GLCCI1: variants seen among roughly 807,000 people sequenced by gnomAD.
The protein encoded by GLCCI1 is glucocorticoid-induced transcript 1 protein.
In GLCCI1, 24 loss-of-function variants were observed where a neutral mutation model predicts 52.2. The ratio of observed to expected loss-of-function variants is 0.46; its 90% CI spans 0.33 to 0.65. The LOEUF is 0.65. GLCCI1 is among the 30% of genes least tolerant of loss of function. GLCCI1 has a pLI of 0.02. For missense variants in GLCCI1, 704 were observed against 701.5 expected, an observed-to-expected ratio of 1.00 and a Z score of -0.04; for synonymous variants, 310 against 276.5, an observed-to-expected ratio of 1.12 and a Z score of -1.20.
At chr7:8,073,489 C>G (rs983881421) in intron 6 of GLCCI1, among the ~76,000 whole-genome samples, 4 of 152,000 alleles carry the variant, frequency 2.6e-5, no homozygotes, top group African/African-American at 9.7e-5. Context: ...ACACTAATTT[C>G]TTTATATTCA....
At chr7:7,986,531 G>T (rs1307919571) in intron 1 of GLCCI1, among the ~76,000 whole-genome samples, 2 of 117,878 alleles carry the variant, frequency 1.7e-5, no homozygotes, top group Admixed American at 8.1e-5. Flanking sequence ...ACTCAAAAAA[G>T]AAAAAAAAGA....
chr7:8,025,777 C>T (rs557296396), intron 3 of GLCCI1, among the ~76,000 whole-genome samples: 10 of 152,196 alleles, frequency 6.6e-5, no homozygotes, highest in South Asian at 2.1e-4. Flanking sequence ...AAATCAGAAG[C>T]GATGGGGACC....
intron 6 of GLCCI1, among the ~76,000 whole-genome samples, chr7:8,081,643 A>C (rs529075356): frequency 6.6e-6 from 1 of 152,336 alleles, no homozygotes; most frequent in East Asian, 1.9e-4. Context: ...CTATACAAGT[A>C]CATGTAGTTT....
chr7:8,045,298 G>A (rs11981425), intron 3 of GLCCI1, among the ~76,000 whole-genome samples: 31,016 of 151,912 alleles, frequency 0.2, 4,055 homozygotes, highest in East Asian at 0.36. Flanking sequence ...ACCCACACTC[G>A]CTCAGACTGG....
chr7:7,968,824 G>C lies in GLCCI1; in HGVS notation c.-527G>C, dbSNP rs575891101. On this transcript the variant is annotated 5_prime_UTR_variant, in exon 1 of 8. Coordinates refer to ENST00000223145, the MANE Select transcript of GLCCI1 (RefSeq NM_138426.4). Reference sequence around the variant, plus strand: ...TGCCATTCGGAGTGAGGAGTGGGTAGAAGCGGCGGCGGCGGCGGCGGCGTT... The same window carrying C: ...TGCCATTCGGAGTGAGGAGTGGGTACAAGCGGCGGCGGCGGCGGCGGCGTT... 3.1e-5 allele frequency: 5 copies of C among 161,124 alleles called. No individual in the cohort carries two copies. The South Asian group carries it at 7.6e-4, about 24-fold the overall frequency. 10.0% of individuals were successfully genotyped at this position (161,124 alleles called of 1,614,324 possible).
At chr7:7,976,516 G>GGAGAAAGGAAAAAGGAAATAA (rs1361601177) in intron 1 of GLCCI1, among the ~76,000 whole-genome samples, 23 of 126,966 alleles carry the variant, frequency 1.8e-4, no homozygotes, top group Middle Eastern at 4.3e-3. Context: ...AAAAAGGAAA[G>GGAGAAAGGAAAAAGGAAATAA]GAGAAAGGAA....
intron 2 of GLCCI1, among the ~76,000 whole-genome samples, chr7:8,011,432 A>G (rs1163253383): frequency 6.6e-6 from 1 of 152,328 alleles, no homozygotes; most frequent in Middle Eastern, 3.4e-3. Flanking sequence ...TTTACTTAGT[A>G]TAATGATTTC....
chr7:8,024,265 T>G (rs1781566091), intron 3 of GLCCI1, among the ~76,000 whole-genome samples: 1 of 152,210 alleles, frequency 6.6e-6, no homozygotes, highest in Non-Finnish European at 1.5e-5. Context: ...TGTATTACAT[T>G]TTAGCAGCTT....
rs1780282805 is a variant in GLCCI1, at chr7:7,969,274, C to T, written c.-77C>T. 7 of 1,281,556 alleles carry T rather than the reference C, an allele frequency of 5.5e-6. No individual in the cohort carries two copies. Among genetic ancestry groups the T allele is most frequent in the East Asian group, 3.9e-5 (1 of 25,964 alleles). The allele number at this position is 1,281,556 out of a possible 1,614,324, so 79.4% of individuals were successfully genotyped here. On this transcript the variant is annotated 5_prime_UTR_variant, in exon 1 of 8. Transcript: ENST00000223145. The surrounding 1 kb of genome is among the most constrained non-coding windows in gnomAD (Gnocchi z 4.9). Reference sequence around the variant, plus strand: ...TACACACTCGCACGCACTATCGCGCCGGCTCCCACACGCTCGCGCGCCTCC... The same window carrying T: ...TACACACTCGCACGCACTATCGCGCTGGCTCCCACACGCTCGCGCGCCTCC...
intron 2 of GLCCI1, among the ~76,000 whole-genome samples, chr7:8,004,493 A>T (rs1049255412): frequency 2.0e-5 from 3 of 152,188 alleles, no homozygotes; most frequent in Non-Finnish European, 4.4e-5. Flanking sequence ...AAGCCTTCAG[A>T]GGGAAATAGA....
At chr7:7,977,033 T>C (rs892550133) in intron 1 of GLCCI1, among the ~76,000 whole-genome samples, 3 of 152,200 alleles carry the variant, frequency 2.0e-5, no homozygotes, top group African/African-American at 7.2e-5. Context: ...CAAATACTTA[T>C]TAACTACTGA....
In GLCCI1 at chr7:8,088,785, T is replaced by G. The variant is rs974330055; in HGVS notation, c.*2247T>G. On this transcript the variant is annotated 3_prime_UTR_variant, in exon 8 of 8. Coordinates refer to ENST00000223145, the MANE Select transcript of GLCCI1 (RefSeq NM_138426.4). ...AAATATTAATTGTGTTGTACATTTG[T>G]TCTTAGCATATATTAAAGTTTTGAA... is the stretch of plus-strand genomic sequence containing the variant. The G allele has an allele frequency of 6.5e-6, 1 of 152,682 alleles. No homozygotes were observed. The highest frequency in any genetic ancestry group is 2.4e-5 in the African/African-American group (1 of 41,472). 9.5% of individuals were successfully genotyped at this position (152,682 alleles called of 1,614,324 possible). A position where few individuals can be genotyped will look rare whatever the true frequency, so the allele number is the denominator to read the frequency against.
intron 2 of GLCCI1, among the ~76,000 whole-genome samples, chr7:8,007,351 T>G (rs946587256): frequency 6.6e-6 from 1 of 152,158 alleles, no homozygotes; most frequent in Non-Finnish European, 1.5e-5. Context: ...ACGTAGTACA[T>G]CGTTATGTAA....
At position 8,086,423 on chromosome 7, in the gene GLCCI1, C is replaced by A. The variant is rs1376007484; in HGVS notation, c.1529C>A (p.Thr510Asn). Residue 510 changes from threonine to asparagine, a missense_variant, in exon 8 of 8, where the codon ACC (threonine) becomes AAC (asparagine). Transcript: ENST00000223145. The surrounding 1 kb of genome is among the most constrained non-coding windows in gnomAD (Gnocchi z 4.4). ...TCCTTTACGTCTCTTTCTGATGACA[C>A]CAGCACAGCGGGCTCCATGGAGGCC... ...RVSFTSLSDDTSTAGSMEASV... is the reference protein window; with the variant it reads ...RVSFTSLSDDNSTAGSMEASV... 6.2e-7 allele frequency: 1 copy of A among 1,614,164 alleles called. No individual in the cohort carries two copies.
At chr7:7,980,043 A>C (rs1166199869) in intron 1 of GLCCI1, among the ~76,000 whole-genome samples, 2 of 151,938 alleles carry the variant, frequency 1.3e-5, no homozygotes, top group African/African-American at 2.4e-5. Context: ...CAGCCTCCCA[A>C]ATAGCTGGGA....
intron 2 of GLCCI1, among the ~76,000 whole-genome samples, chr7:8,004,569 C>T (rs1347735937): frequency 2.6e-5 from 4 of 152,004 alleles, no homozygotes; most frequent in Admixed American, 2.6e-4. Flanking sequence ...AAAGCTTTTC[C>T]TCCACATCAG....
At chr7:7,997,067 G>A (rs896427996) in intron 1 of GLCCI1, among the ~76,000 whole-genome samples, 2 of 152,182 alleles carry the variant, frequency 1.3e-5, no homozygotes, top group African/African-American at 4.8e-5. Context: ...GGCTGTTGAA[G>A]TGCTTAGATT....
At chr7:8,036,672 T>G (rs903823359) in intron 3 of GLCCI1, among the ~76,000 whole-genome samples, 1 of 152,150 alleles carries the variant, frequency 6.6e-6, no homozygotes, top group African/African-American at 2.4e-5. Context: ...CAATTTAAGA[T>G]ATAAATGAAC....
chr7:8,053,316 T>G (rs1213468506), intron 3 of GLCCI1, among the ~76,000 whole-genome samples: 2 of 125,018 alleles, frequency 1.6e-5, no homozygotes, highest in African/African-American at 6.4e-5. Flanking sequence ...TTTGTTTTCG[T>G]TTTTTTTTTT....
Sources: gnomAD v4.1 joint callset for allele counts (sites outside exome capture counted in the v4.1 genomes callset) on GRCh38, gnomAD v4.1.1 for gene constraint, Gnocchi (gnomAD v3.1) non-coding constraint, MANE v1.5 for transcripts, NCBI Gene and HGNC (gene_info 2026-07-23, HGNC 2026-07-21) for gene names.